The following TDRP variants were observed in gnomAD, a reference collection of about 807,000 sequenced individuals.
TDRP encodes testis development related protein.
In TDRP, 12 loss-of-function variants were observed where a neutral mutation model predicts 10.5. The ratio of observed to expected loss-of-function variants is 1.15; its 90% CI spans 0.73 to 1.86. TDRP has a LOEUF of 1.86. TDRP is among the 40% of genes most tolerant of loss of function. The pLI, the probability that TDRP is intolerant of heterozygous loss-of-function variation, is 0.00. For missense variants in TDRP, 353 were observed against 229.2 expected (o/e 1.54, Z -3.49); for synonymous variants, 139 against 95.4 (o/e 1.46, Z -2.67).
chr8:534,467 C>T (rs1181642486), intron 1 of TDRP, among the ~76,000 whole-genome samples: 19 of 152,154 alleles, frequency 1.2e-4, no homozygotes, highest in Admixed American at 1.0e-3. Context: ...TCTCAGCCAC[C>T]AGCCCTGTAA....
chr8:516,100 T>TA (rs904373608), intron 1 of TDRP, among the ~76,000 whole-genome samples: 8 of 152,066 alleles, frequency 5.3e-5, no homozygotes, highest in Admixed American at 5.2e-4. Context: ...GGCTGAACAT[T>TA]AAAAAAATAT....
At position 506,530 on chromosome 8, in the gene TDRP, G is replaced by A. The variant is rs150994972; in HGVS notation, c.109-11933C>T. Among the ~76,000 whole-genome samples, 231 of 152,328 alleles carry A rather than the reference G, an allele frequency of 1.5e-3. 2 individuals are homozygous for A. Among genetic ancestry groups the A allele is most frequent in the African/African-American group, 5.1e-3 (213 of 41,590 alleles). ...TTGTTCCAGCCCCACTCCCGGGAAG[G>A]AGGCGCTGCTGTGCATGTGCTGCAC... On this transcript the variant is annotated intron_variant, in intron 1 of 2. Coordinates refer to ENST00000324079, the MANE Select transcript of TDRP (RefSeq NM_001384899.1).
intron 1 of TDRP, among the ~76,000 whole-genome samples, chr8:506,318 G>T (rs910583724): frequency 6.6e-6 from 1 of 152,272 alleles, no homozygotes; most frequent in East Asian, 1.9e-4. Flanking sequence ...CTCGGCAGCG[G>T]GGGGAGGGGA....
chr8:535,951 C>A (rs751091359), intron 1 of TDRP, among the ~76,000 whole-genome samples: 1 of 152,124 alleles, frequency 6.6e-6, no homozygotes, highest in Non-Finnish European at 1.5e-5. Flanking sequence ...GACTGACTCA[C>A]AAAGTGAAAC....
At position 501,069 on chromosome 8, in the gene TDRP, A is replaced by G. The variant is rs936061186; in HGVS notation, c.109-6472T>C. On this transcript the variant is annotated intron_variant, in intron 1 of 2. Transcript: ENST00000324079. ...AAAATACAAAAATTAGCCGGGCGTG[A>G]TGGCGGGCGCCTGTAGTCCCAGCTA... Among the ~76,000 whole-genome samples the G allele has an allele frequency of 1.2e-3, 177 of 151,954 alleles. 1 individual carries two copies. The highest frequency in any genetic ancestry group is 3.4e-3 in the African/African-American group (140 of 41,510).
In TDRP at chr8:494,354, G is replaced by A. The variant is rs1801070523; in HGVS notation, c.212+140C>T. ...GCCACTCAACAGGGACAGACGGAGT[G>A]GGGAGGGAAACATGGACTCGCCGCG... is the stretch of plus-strand genomic sequence containing the variant. On this transcript the variant is annotated intron_variant, in intron 2 of 2. Coordinates refer to ENST00000324079, the MANE Select transcript of TDRP (RefSeq NM_001384899.1). 4.4e-6 allele frequency: 3 copies of A among 688,208 alleles called. No individual in the cohort carries two copies. The South Asian group carries it at 5.5e-5, about 13-fold the overall frequency. The allele number at this position is 688,208 out of a possible 1,614,324, so 42.6% of individuals were successfully genotyped here.
intron 1 of TDRP, among the ~76,000 whole-genome samples, chr8:532,013 A>G (rs905324678): frequency 6.6e-6 from 1 of 152,208 alleles, no homozygotes; most frequent in Non-Finnish European, 1.5e-5. Context: ...AAAACAAACA[A>G]AAGACATGGT....
intron 2 of TDRP, among the ~76,000 whole-genome samples, chr8:493,354 G>C (rs766120674): frequency 1.3e-5 from 2 of 152,244 alleles, no homozygotes; most frequent in Non-Finnish European, 2.9e-5. Flanking sequence ...TCCAGATGCT[G>C]ATGTATTAGC....
At chr8:541,536 CAAAG>C (rs1242444220) in intron 1 of TDRP, among the ~76,000 whole-genome samples, 1 of 152,162 alleles carries the variant, frequency 6.6e-6, no homozygotes, top group East Asian at 1.9e-4. Flanking sequence ...CCAAAACATA[CAAAG>C]AACTCTTAAA....
rs772493636 is a variant in TDRP at position 492,513 on chromosome 8, G to T, written c.444C>A (p.Ser148Arg). 6.2e-7 allele frequency: 1 copy of T among 1,610,724 alleles called. No homozygotes were observed. The highest frequency in any genetic ancestry group is 8.5e-7 in the Non-Finnish European group (1 of 1,178,264). ...TGGAGCTGTTGGCAGAGCTGGCCAGGCTGGTGTACTTGGTCGAGCCCTTGG... is the reference window on the plus strand; with the variant it reads ...TGGAGCTGTTGGCAGAGCTGGCCAGTCTGGTGTACTTGGTCGAGCCCTTGG... ...DDAKGSTKYT[S>R]LASSANSSRW... The change falls in exon 3 of 3, where the codon AGC (serine) becomes AGA (arginine). Residue 148 changes from serine (S) to arginine (R), a missense_variant. Transcript: ENST00000324079.
chr8:540,496 A>C (rs1053954906), intron 1 of TDRP, among the ~76,000 whole-genome samples: 1 of 152,216 alleles, frequency 6.6e-6, no homozygotes, highest in African/African-American at 2.4e-5. Flanking sequence ...CAATCTCAAC[A>C]AATATTTTAC....
intron 1 of TDRP, among the ~76,000 whole-genome samples, chr8:508,144 A>G (rs1801514602): frequency 6.6e-6 from 1 of 152,224 alleles, no homozygotes. Context: ...TGTTGCATCA[A>G]AGAGAGAATG....
rs558497555 is a variant in TDRP, at chr8:516,275, G to A, written c.109-21678C>T. 1.1e-4 allele frequency among the ~76,000 whole-genome samples: 17 copies of A among 152,244 alleles called. 1 individual carries two copies. The highest frequency in any genetic ancestry group is 1.0e-3 in the South Asian group (5 of 4,826). ...CTACTATCACTATTGGGACTATGGC[G>A]TGTCCCTCAGGAATGTGGAATACAA... On this transcript the variant is annotated intron_variant, in intron 1 of 2. Transcript: ENST00000324079.
At chr8:543,416 C>G (rs1215753603) in intron 1 of TDRP, among the ~76,000 whole-genome samples, 1 of 152,086 alleles carries the variant, frequency 6.6e-6, no homozygotes, top group African/African-American at 2.4e-5. Context: ...AAGGCTCTAT[C>G]CAGAAACAAT....
rs761824588 is a variant in TDRP, at chr8:544,672, G to C, written c.86C>G (p.Ala29Gly). The C allele has an allele frequency of 6.4e-6, 8 of 1,244,424 alleles. No individual in the cohort carries two copies. The African/African-American group carries it at 1.2e-4, about 19-fold the overall frequency. The allele number at this position is 1,244,424 out of a possible 1,614,324, so 77.1% of individuals were successfully genotyped here. ...DGLRGGPPPAAAAAAQAQVQG... is the reference protein window; with the variant it reads ...DGLRGGPPPAGAAAAQAQVQG... The stretch of plus-strand genomic sequence containing the variant: ...CACCTGCGCCTGGGCGGCGGCGGCG[G>C]CGGCCGGTGGCGGCCCCCCACGCAG... Residue 29 changes from alanine (A) to glycine (G), a missense_variant, in exon 1 of 3, where the codon GCC becomes GGC. Physicochemically the swap from Ala to Gly is moderately conservative, Grantham distance 60. Transcript: ENST00000324079.
intron 1 of TDRP, among the ~76,000 whole-genome samples, chr8:544,049 T>G (rs1802570540): frequency 6.6e-6 from 1 of 152,084 alleles, no homozygotes; most frequent in Admixed American, 6.5e-5. Flanking sequence ...TAAAGGCCTT[T>G]CAGTTTTCAG....
At chr8:522,286 G>T (rs1296725478) in intron 1 of TDRP, among the ~76,000 whole-genome samples, 1 of 152,160 alleles carries the variant, frequency 6.6e-6, no homozygotes, top group African/African-American at 2.4e-5. Context: ...TGTCATTATG[G>T]AACAGGAATT....
chr8:536,703 TA>T (rs1802355547), intron 1 of TDRP, among the ~76,000 whole-genome samples: 1 of 152,198 alleles, frequency 6.6e-6, no homozygotes, highest in Non-Finnish European at 1.5e-5. Flanking sequence ...AATATTGAAT[TA>T]AAACTTTTTA....
At chr8:492,892 A>G in intron 2 of TDRP, 148 bp from the exon 3 acceptor site, 1 of 710,448 alleles carries the variant, frequency 1.4e-6, no homozygotes, top group Non-Finnish European at 2.2e-6. Flanking sequence ...AAATATTAAA[A>G]TTAAGGAAAA....
Sources: allele counts gnomAD v4.1 joint callset (sites outside exome capture counted in the v4.1 genomes callset), GRCh38; gene constraint gnomAD v4.1.1; transcripts MANE v1.5; gene names NCBI Gene and HGNC (gene_info 2026-07-23, HGNC 2026-07-21).